ADK: variants seen among roughly 807,000 people sequenced by gnomAD.
ADK encodes the protein N6,N6-dimethyladenosine kinase.
A neutral mutation model predicts 44.7 loss-of-function variants in ADK; 24 were observed. The observed-to-expected ratio is 0.54, with a 90% confidence interval of 0.39 to 0.76. ADK has a LOEUF of 0.76. Ranked by LOEUF, ADK falls within the 30% of genes least tolerant of loss-of-function variation. The probability of loss-of-function intolerance (pLI) is 0.00; values close to 1 mark genes in which losing one functional copy is unlikely to be tolerated. For synonymous variants in ADK, 128 were observed against 142.6 expected, an observed-to-expected ratio of 0.90 and a Z score of 0.73; for missense variants, 321 against 425.1, an observed-to-expected ratio of 0.76 and a Z score of 2.15.
At chr10:74,505,287 A>G (rs535468783) in intron 6 of ADK, among the ~76,000 whole-genome samples, 2 of 152,298 alleles carry the variant, frequency 1.3e-5, no homozygotes, top group African/African-American at 4.8e-5. Context: ...TCCATGTTGT[A>G]AAAGAAGTCA....
At chr10:74,252,601 A>G (rs1170077037) in intron 3 of ADK, among the ~76,000 whole-genome samples, 1 of 152,228 alleles carries the variant, frequency 6.6e-6, no homozygotes, top group Non-Finnish European at 1.5e-5. Flanking sequence ...ATATATGTTA[A>G]AGGTAGCAAA....
intron 6 of ADK, among the ~76,000 whole-genome samples, chr10:74,485,930 A>G (rs1160376147): frequency 3.3e-5 from 5 of 152,174 alleles, no homozygotes; most frequent in Non-Finnish European, 2.9e-5. Context: ...TAAATTGACA[A>G]ACTCATTTTT....
chr10:74,365,152 A>G (rs1194558624), intron 4 of ADK, among the ~76,000 whole-genome samples: 1 of 152,080 alleles, frequency 6.6e-6, no homozygotes, highest in East Asian at 1.9e-4. Flanking sequence ...AAATCATTTT[A>G]AAGTATACAA....
chr10:74,257,933 T>C (rs2132358630), intron 3 of ADK, among the ~76,000 whole-genome samples: 1 of 152,312 alleles, frequency 6.6e-6, no homozygotes, highest in South Asian at 2.1e-4. Flanking sequence ...TCAGGGGAGT[T>C]AGCAATTTAT....
At chr10:74,528,897 GA>G (rs1474812092) in intron 7 of ADK, among the ~76,000 whole-genome samples, 9 of 152,154 alleles carry the variant, frequency 5.9e-5, no homozygotes, top group Non-Finnish European at 1.3e-4. Flanking sequence ...GGAGAAATTG[GA>G]AACACTTGTG....
intron 9 of ADK, among the ~76,000 whole-genome samples, chr10:74,665,795 A>G (rs201956550): frequency 6.7e-5 from 10 of 149,858 alleles, no homozygotes; most frequent in African/African-American, 2.5e-4. Context: ...GACAGACAGA[A>G]GGAAAATGAA....
chr10:74,692,729 A>G (rs1394384258), intron 10 of ADK, among the ~76,000 whole-genome samples: 2 of 152,232 alleles, frequency 1.3e-5, no homozygotes, highest in Non-Finnish European at 2.9e-5. Context: ...GTATAGATAC[A>G]TAGGTACTTA....
chr10:74,483,798 A>C (rs763851260), intron 6 of ADK, among the ~76,000 whole-genome samples: 6 of 152,218 alleles, frequency 3.9e-5, no homozygotes, highest in Non-Finnish European at 7.3e-5. Context: ...TTGCTAAAGC[A>C]TAGCAAGAGT....
Position 74,325,686 on chromosome 10 carries a change from T to A in ADK, c.273+10941T>A, listed in dbSNP as rs142374811. 2.6e-5 allele frequency among the ~76,000 whole-genome samples: 4 copies of A among 152,364 alleles called. No homozygotes were observed. In the East Asian group the frequency reaches 7.7e-4, roughly 29 times the overall value. ...CCCAATTTGTTGATAATTTCTAACA[T>A]GAAAGAATGTTGAATTTTGTCAAAT... On this transcript the variant is annotated intron_variant, in intron 4 of 10. Coordinates refer to ENST00000539909, the MANE Select transcript of ADK (RefSeq NM_006721.4).
At chr10:74,327,056 AT>A (rs1480916484) in intron 4 of ADK, among the ~76,000 whole-genome samples, 2 of 149,554 alleles carry the variant, frequency 1.3e-5, no homozygotes, top group South Asian at 4.3e-4. Context: ...TTTATTATTT[AT>A]TTTTTTCTGC....
At chr10:74,591,421 A>G (rs1191934039) in intron 8 of ADK, among the ~76,000 whole-genome samples, 2 of 152,172 alleles carry the variant, frequency 1.3e-5, no homozygotes, top group Non-Finnish European at 2.9e-5. Flanking sequence ...GTCTCTTCGT[A>G]GATTCCCAAA....
At chr10:74,482,588 C>T (rs1847113845) in intron 6 of ADK, among the ~76,000 whole-genome samples, 2 of 152,174 alleles carry the variant, frequency 1.3e-5, no homozygotes, top group South Asian at 4.1e-4. Flanking sequence ...CAAAAGTCCA[C>T]AATCTGAAGT....
intron 4 of ADK, among the ~76,000 whole-genome samples, chr10:74,380,736 C>A (rs570545126): frequency 5.3e-5 from 8 of 151,846 alleles, no homozygotes; most frequent in African/African-American, 1.4e-4. Context: ...CCAGCCTGGG[C>A]GACAGAGTGA....
At chr10:74,694,391 A>C (rs10824220) in intron 10 of ADK, among the ~76,000 whole-genome samples, 66,074 of 148,108 alleles carry the variant, frequency 0.45, 16,261 homozygotes, top group Middle Eastern at 0.6. Flanking sequence ...TCTCTACCCC[A>C]AAAAAAAAAG....
chr10:74,609,518 C>T (rs1002600565), intron 9 of ADK, among the ~76,000 whole-genome samples: 7 of 152,122 alleles, frequency 4.6e-5, no homozygotes, highest in African/African-American at 1.7e-4. Flanking sequence ...TGCACTTCCC[C>T]GGTAAGGTGA....
chr10:74,535,201 C>G (rs1051135760), intron 7 of ADK, among the ~76,000 whole-genome samples: 2 of 152,182 alleles, frequency 1.3e-5, no homozygotes, highest in African/African-American at 4.8e-5. Flanking sequence ...TAGCGCACAC[C>G]TGTAATCCTA....
At chr10:74,390,775 G>A (rs1017323201) in intron 4 of ADK, among the ~76,000 whole-genome samples, 3 of 152,110 alleles carry the variant, frequency 2.0e-5, no homozygotes, top group Non-Finnish European at 4.4e-5. Context: ...TTCTTCAAGA[G>A]TCCAACCCAG....
chr10:74,647,708 T>TAAC (rs1854104345), intron 9 of ADK, among the ~76,000 whole-genome samples: 1 of 152,198 alleles, frequency 6.6e-6, no homozygotes, highest in South Asian at 2.1e-4. Context: ...GCTATAATAA[T>TAAC]AACTTTGTCC....
At chr10:74,153,790 T>G (rs1189270871) in intron 1 of ADK, among the ~76,000 whole-genome samples, 2 of 152,224 alleles carry the variant, frequency 1.3e-5, no homozygotes, top group African/African-American at 4.8e-5. Context: ...TTTTCTTTTC[T>G]CTCCTTTGGA....
Sources: gnomAD v4.1 joint callset for allele counts (sites outside exome capture counted in the v4.1 genomes callset) on GRCh38, gnomAD v4.1.1 for gene constraint, MANE v1.5 for transcripts, NCBI Gene and HGNC (gene_info 2026-07-23, HGNC 2026-07-21) for gene names.